The following LPP variants were observed in gnomAD, a reference collection of about 807,000 sequenced individuals.
LPP encodes the protein LIM domain containing preferred translocation partner in lipoma, also known as lipoma-preferred partner.
In LPP, 38 loss-of-function variants were observed where a neutral mutation model predicts 60.4. The ratio of observed to expected loss-of-function variants is 0.63; its 90% CI spans 0.49 to 0.83. The LOEUF is 0.83. Ranked by LOEUF, LPP falls within the 40% of genes least tolerant of loss-of-function variation. LPP has a pLI of 0.00. For synonymous variants in LPP, 328 were observed against 290.8 expected, an observed-to-expected ratio of 1.13 and a Z score of -1.30; for missense variants, 902 against 783.6, an observed-to-expected ratio of 1.15 and a Z score of -1.80.
At chr3:188,578,746 G>T (rs931826194) in intron 6 of LPP, among the ~76,000 whole-genome samples, 1 of 151,852 alleles carries the variant, frequency 6.6e-6, no homozygotes, top group South Asian at 2.1e-4. Flanking sequence ...CTCTCTCCCC[G>T]TGGTGCACTG....
chr3:188,435,624 A>G (rs1792104846), intron 4 of LPP, among the ~76,000 whole-genome samples: 1 of 152,070 alleles, frequency 6.6e-6, no homozygotes. Context: ...TGCAGGCTTT[A>G]TTTAGTTTGA....
intron 5 of LPP, among the ~76,000 whole-genome samples, chr3:188,496,533 T>C (rs969509573): frequency 1.3e-5 from 2 of 152,208 alleles, no homozygotes; most frequent in African/African-American, 4.8e-5. Context: ...CTTGTATCAG[T>C]GAAGGCTCTG....
intron 8 of LPP, among the ~76,000 whole-genome samples, chr3:188,732,890 A>G (rs1181760572): frequency 6.6e-6 from 1 of 152,124 alleles, no homozygotes; most frequent in African/African-American, 2.4e-5. Flanking sequence ...ACTATAAAGT[A>G]TTAGAGTTGA....
At chr3:188,822,289 A>G (rs921493013) in intron 9 of LPP, among the ~76,000 whole-genome samples, 1 of 152,100 alleles carries the variant, frequency 6.6e-6, no homozygotes, top group African/African-American at 2.4e-5. Context: ...GGATACAAAA[A>G]AAATTGAGCT....
intron 1 of LPP, among the ~76,000 whole-genome samples, chr3:188,209,548 T>C (rs1734157869): frequency 1.3e-5 from 2 of 152,218 alleles, no homozygotes; most frequent in African/African-American, 4.8e-5. Context: ...AGAATTGTGT[T>C]GACAAGACCC....
At chr3:188,177,555 T>A (rs1262871352) in intron 1 of LPP, among the ~76,000 whole-genome samples, 2 of 151,986 alleles carry the variant, frequency 1.3e-5, no homozygotes, top group African/African-American at 2.4e-5. Flanking sequence ...CATGATTGAT[T>A]TAGGAGCTGG....
At chr3:188,231,373 T>G (rs1719899534) in intron 2 of LPP, among the ~76,000 whole-genome samples, 1 of 152,188 alleles carries the variant, frequency 6.6e-6, no homozygotes, top group South Asian at 2.1e-4. Context: ...TGGATCAATT[T>G]TACTTGAAGA....
At chr3:188,240,867 T>C (rs562681826) in intron 2 of LPP, among the ~76,000 whole-genome samples, 1 of 152,286 alleles carries the variant, frequency 6.6e-6, no homozygotes, top group East Asian at 1.9e-4. Context: ...CTATTGGCTA[T>C]ATTAAAGTAA....
chr3:188,166,966 T>C (rs191696290), intron 1 of LPP, among the ~76,000 whole-genome samples: 194 of 152,336 alleles, frequency 1.3e-3, no homozygotes, highest in Non-Finnish European at 6.5e-4. Flanking sequence ...TTACAGTTTT[T>C]GTGTCTTGCA....
At position 188,878,192 on chromosome 3, in the gene LPP, A is replaced by G; in HGVS notation, c.*3713A>G. The G allele has an allele frequency of 4.6e-6, 1 of 216,462 alleles. No homozygotes were observed. Among genetic ancestry groups the G allele is most frequent in the Non-Finnish European group, 9.3e-6 (1 of 107,298 alleles). 13.4% of individuals were successfully genotyped at this position (216,462 alleles called of 1,614,324 possible). On this transcript the variant is annotated 3_prime_UTR_variant, in exon 12 of 12. Transcript: ENST00000617246. ...TGAACCAGCCAGGAATAACAGTGTT[A>G]TTTCTATTGGATATGGTTTGGGCTT...
chr3:188,502,888 A>T (rs1812311653), intron 5 of LPP, among the ~76,000 whole-genome samples: 1 of 152,126 alleles, frequency 6.6e-6, no homozygotes, highest in African/African-American at 2.4e-5. Flanking sequence ...TTCTACTGAA[A>T]GTGAAAGACA....
chr3:188,484,021 G>A (rs1805572271), intron 4 of LPP, among the ~76,000 whole-genome samples: 1 of 151,736 alleles, frequency 6.6e-6, no homozygotes, highest in African/African-American at 2.4e-5. Flanking sequence ...TTTTTCCTAT[G>A]TCATGACTTG....
At chr3:188,606,702 A>G (rs1484155385) in intron 6 of LPP, among the ~76,000 whole-genome samples, 2 of 152,132 alleles carry the variant, frequency 1.3e-5, no homozygotes, top group African/African-American at 4.8e-5. Flanking sequence ...AGACTCCAAC[A>G]TTCTATTACA....
intron 1 of LPP, among the ~76,000 whole-genome samples, chr3:188,183,848 C>A (rs368830761): frequency 1.3e-5 from 2 of 152,056 alleles, no homozygotes; most frequent in East Asian, 1.9e-4. Context: ...CCTTAATTGT[C>A]GTACTACACT....
At chr3:188,607,709 T>G (rs1842800929) in intron 6 of LPP, among the ~76,000 whole-genome samples, 1 of 152,090 alleles carries the variant, frequency 6.6e-6, no homozygotes, top group Non-Finnish European at 1.5e-5. Context: ...ATCGAGCACA[T>G]TTTAAAAATT....
At chr3:188,862,441 A>T (rs1292729272) in intron 9 of LPP, among the ~76,000 whole-genome samples, 1 of 152,144 alleles carries the variant, frequency 6.6e-6, no homozygotes, top group African/African-American at 2.4e-5. Context: ...TTTTCAGAAG[A>T]GGTGACATTT....
At chr3:188,753,938 C>T (rs1577353657) in intron 8 of LPP, among the ~76,000 whole-genome samples, 1 of 152,238 alleles carries the variant, frequency 6.6e-6, no homozygotes, top group South Asian at 2.1e-4. Flanking sequence ...ATGTGTCCTA[C>T]AGTCCAGCTT....
intron 2 of LPP, chr3:188,240,244 T>G (rs1723606846): frequency 5.7e-6 from 1 of 174,670 alleles, no homozygotes; most frequent in African/African-American, 2.4e-5. Context: ...GTATCAAATT[T>G]TAAGCCAAAA....
chr3:188,574,877 C>T (rs1172767417), intron 6 of LPP, among the ~76,000 whole-genome samples: 1 of 152,104 alleles, frequency 6.6e-6, no homozygotes, highest in African/African-American at 2.4e-5. Context: ...TCAAACTGCT[C>T]ACTTTTTTTC....
Sources: gnomAD v4.1 joint callset for allele counts (sites outside exome capture counted in the v4.1 genomes callset) on GRCh38, gnomAD v4.1.1 for gene constraint, MANE v1.5 for transcripts, NCBI Gene and HGNC (gene_info 2026-07-23, HGNC 2026-07-21) for gene names.